The following MACROD2 variants were observed in gnomAD, a reference collection of about 807,000 sequenced individuals.
MACROD2 encodes mono-ADP ribosylhydrolase 2.
MACROD2 carries 36 observed loss-of-function variants against 70.4 expected under a neutral mutation model. That is an observed-to-expected ratio of 0.51 (90% CI 0.39 to 0.68). The LOEUF (loss-of-function observed/expected upper bound fraction) is 0.68, where lower values mean the gene tolerates loss of function less well. Among genes scored for constraint, MACROD2 ranks in the 30% least tolerant of loss-of-function variants. The probability of loss-of-function intolerance (pLI) is 0.00; values close to 1 mark genes in which losing one functional copy is unlikely to be tolerated. For missense variants in MACROD2, 496 were observed against 538.4 expected (o/e 0.92, Z 0.78); for synonymous variants, 172 against 178.8 (o/e 0.96, Z 0.30).
intron 3 of MACROD2, among the ~76,000 whole-genome samples, chr20:14,456,169 A>G (rs1160850376): frequency 6.6e-6 from 1 of 151,878 alleles, no homozygotes; most frequent in Non-Finnish European, 1.5e-5. Flanking sequence ...TTAGCTTTAA[A>G]AACAGCCTTC....
At chr20:15,282,119 T>G (rs1296147064) in intron 6 of MACROD2, among the ~76,000 whole-genome samples, 1 of 152,200 alleles carries the variant, frequency 6.6e-6, no homozygotes, top group Non-Finnish European at 1.5e-5. Flanking sequence ...GTCCAAAGAT[T>G]GCACAAAGCA....
At chr20:14,360,890 AT>A (rs1263488131) in intron 3 of MACROD2, among the ~76,000 whole-genome samples, 2 of 152,160 alleles carry the variant, frequency 1.3e-5, no homozygotes, top group Non-Finnish European at 2.9e-5. Context: ...TTATTACTTA[AT>A]TTCTAGCAGA....
intron 5 of MACROD2, among the ~76,000 whole-genome samples, chr20:14,876,193 G>C (rs930820062): frequency 2.6e-5 from 4 of 152,082 alleles, no homozygotes; most frequent in Middle Eastern, 3.2e-3. Context: ...GTATCTCACT[G>C]TGGTTTTGAT....
chr20:14,732,262 G>A (rs1301433542), intron 5 of MACROD2, among the ~76,000 whole-genome samples: 2 of 152,150 alleles, frequency 1.3e-5, no homozygotes, highest in Admixed American at 1.3e-4. Context: ...AATAAAGCAT[G>A]TGTGTATTTG....
chr20:15,355,030 T>A (rs2078270887), intron 6 of MACROD2, among the ~76,000 whole-genome samples: 1 of 152,186 alleles, frequency 6.6e-6, no homozygotes, highest in African/African-American at 2.4e-5. Context: ...ACACAGACAG[T>A]TTAAGTGACC....
intron 5 of MACROD2, among the ~76,000 whole-genome samples, chr20:15,141,849 A>G (rs1367980217): frequency 6.6e-6 from 1 of 152,120 alleles, no homozygotes; most frequent in African/African-American, 2.4e-5. Flanking sequence ...GGCCACTCTG[A>G]TCTGACCTGC....
At chr20:15,720,809 A>G (rs991993169) in intron 8 of MACROD2, among the ~76,000 whole-genome samples, 1 of 152,178 alleles carries the variant, frequency 6.6e-6, no homozygotes, top group African/African-American at 2.4e-5. Flanking sequence ...AAGACATATA[A>G]AGCCATGGCT....
chr20:15,320,788 C>A (rs1195525792), intron 6 of MACROD2, among the ~76,000 whole-genome samples: 2 of 152,056 alleles, frequency 1.3e-5, no homozygotes, highest in Non-Finnish European at 2.9e-5. Context: ...CAGAGAAAGA[C>A]ATGGTAGATC....
At chr20:14,358,914 T>C (rs1405672293) in intron 3 of MACROD2, among the ~76,000 whole-genome samples, 1 of 152,148 alleles carries the variant, frequency 6.6e-6, no homozygotes, top group Non-Finnish European at 1.5e-5. Context: ...AGGCCAGGCA[T>C]GGTGGCTCAT....
chr20:15,466,103 AG>A (rs2046884323), intron 7 of MACROD2, among the ~76,000 whole-genome samples: 1 of 152,210 alleles, frequency 6.6e-6, no homozygotes, highest in Non-Finnish European at 1.5e-5. Context: ...GGGTGGTGGC[AG>A]GGGGTTACTT....
intron 6 of MACROD2, among the ~76,000 whole-genome samples, chr20:15,395,121 C>CA (rs2045843686): frequency 1.3e-5 from 2 of 152,164 alleles, no homozygotes; most frequent in Non-Finnish European, 2.9e-5. Context: ...AATTTGATAT[C>CA]ACAGTAAAAT....
At chr20:15,547,897 G>C (rs2048045430) in intron 8 of MACROD2, among the ~76,000 whole-genome samples, 1 of 152,082 alleles carries the variant, frequency 6.6e-6, no homozygotes, top group African/African-American at 2.4e-5. Context: ...CTTTGCCCTG[G>C]TTTTACCCTC....
intron 6 of MACROD2, among the ~76,000 whole-genome samples, chr20:15,329,015 A>G (rs2077963021): frequency 6.6e-6 from 1 of 152,166 alleles, no homozygotes; most frequent in Non-Finnish European, 1.5e-5. Context: ...ACACCATTGA[A>G]AACAATGTTA....
chr20:14,600,343 T>TAC (rs1042255013), intron 4 of MACROD2, among the ~76,000 whole-genome samples: 1,392 of 130,128 alleles, frequency 0.011, 41 homozygotes, highest in Admixed American at 0.015. Flanking sequence ...TATATATATA[T>TAC]ACACACACAC....
intron 8 of MACROD2, among the ~76,000 whole-genome samples, chr20:15,815,413 C>CTT (rs35634648): frequency 1.9e-3 from 287 of 147,492 alleles, no homozygotes; most frequent in Middle Eastern, 6.9e-3. Flanking sequence ...AACAATAGTT[C>CTT]TTTTTTTTTT....
intron 5 of MACROD2, among the ~76,000 whole-genome samples, chr20:14,991,374 A>G (rs987870296): frequency 6.6e-6 from 1 of 152,152 alleles, no homozygotes; most frequent in Non-Finnish European, 1.5e-5. Context: ...AAAACATTAC[A>G]GTGAGAAAAA....
intron 5 of MACROD2, among the ~76,000 whole-genome samples, chr20:15,028,423 T>A (rs531390645): frequency 6.8e-4 from 103 of 152,312 alleles, no homozygotes; most frequent in African/African-American, 2.3e-3. Flanking sequence ...CCAAGCAAAG[T>A]ACTGCAAACA....
chr20:15,701,877 C>T (rs1255210186), intron 8 of MACROD2, among the ~76,000 whole-genome samples: 1 of 152,198 alleles, frequency 6.6e-6, no homozygotes, highest in Non-Finnish European at 1.5e-5. Flanking sequence ...CACGAGTACT[C>T]ACTGTTTAGC....
chr20:14,765,963 A>T (rs2072082748), intron 5 of MACROD2, among the ~76,000 whole-genome samples: 1 of 152,068 alleles, frequency 6.6e-6, no homozygotes, highest in Non-Finnish European at 1.5e-5. Context: ...AGCCTCCTAA[A>T]TCTAGGAAGC....
Sources: allele counts gnomAD v4.1 joint callset (sites outside exome capture counted in the v4.1 genomes callset), GRCh38; gene constraint gnomAD v4.1.1; transcripts MANE v1.5; gene names NCBI Gene and HGNC (gene_info 2026-07-23, HGNC 2026-07-21).